The following ZNF287 variants were observed in gnomAD, a reference collection of about 807,000 sequenced individuals.
The protein encoded by ZNF287 is zinc finger protein 287, also known as zinc finger protein with KRAB and SCAN domains 13.
Under a neutral mutation model 73.7 loss-of-function variants are expected in ZNF287, and 31 were observed. The observed-to-expected ratio is 0.42, with a 90% CI of 0.32 to 0.57. ZNF287 has a LOEUF of 0.57. Among genes scored for constraint, ZNF287 ranks in the 20% least tolerant of loss-of-function variants. The probability of loss-of-function intolerance (pLI) is 0.13; values close to 1 mark genes in which losing one functional copy is unlikely to be tolerated. For missense variants in ZNF287, 641 were observed against 909.3 expected (o/e 0.70, Z 3.79); for synonymous variants, 301 against 307.2 (o/e 0.98, Z 0.21).
chr17:16,555,342 T>C (rs1289959281), intron 5 of ZNF287, among the ~76,000 whole-genome samples: 1 of 152,212 alleles, frequency 6.6e-6, no homozygotes, highest in Non-Finnish European at 1.5e-5. Flanking sequence ...ACCACTGTCA[T>C]ACATGCAGTT....
intron 5 of ZNF287, among the ~76,000 whole-genome samples, chr17:16,562,428 A>C (rs1339948374): frequency 6.6e-6 from 1 of 152,180 alleles, no homozygotes; most frequent in Non-Finnish European, 1.5e-5. Context: ...TAAACATCTC[A>C]AATAACTGTT....
chr17:16,567,456 C>G lies in ZNF287; in HGVS notation c.276G>C (p.Leu92=). 6.2e-7 allele frequency: 1 copy of G among 1,614,230 alleles called. No individual in the cohort carries two copies. Among genetic ancestry groups the G allele is most frequent in the Non-Finnish European group, 8.5e-7 (1 of 1,180,046 alleles). ...IHSKEQILEL[L]VLEQFLTILP... is the part of the protein sequence containing the mutation. ...GGATGGTCAGGAATTGCTCCAGCAC[C>G]AGCAGCTCCAAAATTTGTTCCTTTG... Residue 92 remains leucine (L), a synonymous_variant, in exon 2 of 6, where the codon CTG becomes CTC. Coordinates refer to ENST00000395825, the MANE Select transcript of ZNF287 (RefSeq NM_020653.4).
rs752901658 is a variant in ZNF287, at chr17:16,553,282, A to G, written c.860T>C (p.Ile287Thr). ...ACTGAAACCTCTTTCATCAGTGTGA[A>G]TTTTCCAGAAGCCACCTTTTCCTCG... Reference protein sequence around the residue: ...ERRGKGGFWKIHTDERGFSLK... With the variant: ...ERRGKGGFWKTHTDERGFSLK... Residue 287 changes from isoleucine (I) to threonine (T), a missense_variant, in exon 6 of 6, where the codon ATT becomes ACT. Around this residue, in one of 2 missense-constraint regions of ZNF287, gnomAD observed 357 missense variants for 442.4 expected, o/e 0.81. Coordinates refer to ENST00000395825, the MANE Select transcript of ZNF287 (RefSeq NM_020653.4). The G allele has an allele frequency of 3.1e-6, 5 of 1,613,858 alleles. No individual in the cohort carries two copies. Among genetic ancestry groups the G allele is most frequent in the East Asian group, 2.2e-5 (1 of 44,856 alleles).
In ZNF287 at chr17:16,549,932, A is replaced by C. The variant is rs1458321475; in HGVS notation, c.*1924T>G. Among the ~76,000 whole-genome samples, 1 of 152,214 alleles carries C rather than the reference A, an allele frequency of 6.6e-6. No homozygotes were observed. The highest frequency in any genetic ancestry group is 1.5e-5 in the Non-Finnish European group (1 of 68,038). On this transcript the variant is annotated 3_prime_UTR_variant, in exon 6 of 6. Transcript: ENST00000395825. Reference sequence around the variant, plus strand: ...TACCAATTTTCACTCCATGCCAGTCAATTCTACTTTATTACTGAAATCTAA... The same window carrying C: ...TACCAATTTTCACTCCATGCCAGTCCATTCTACTTTATTACTGAAATCTAA...
rs536585367 is a variant in ZNF287 at position 16,567,798 on chromosome 17, A to T, written c.-67T>A. The T allele has an allele frequency of 6.6e-5, 101 of 1,531,136 alleles. No homozygotes were observed. In the African/African-American group the frequency reaches 1.2e-3, roughly 18 times the overall value. The allele number at this position is 1,531,136 out of a possible 1,614,324, so 94.8% of individuals were successfully genotyped here. ...CTCCAGTAGTGAGCCAACTGCTTGAAGTCTCATGCTAGAGTCACAAGGACA... is the reference window on the plus strand; with the variant it reads ...CTCCAGTAGTGAGCCAACTGCTTGATGTCTCATGCTAGAGTCACAAGGACA... On this transcript the variant is annotated 5_prime_UTR_variant, in exon 2 of 6. Coordinates refer to ENST00000395825, the MANE Select transcript of ZNF287 (RefSeq NM_020653.4).
intron 5 of ZNF287, among the ~76,000 whole-genome samples, chr17:16,562,729 T>C (rs963571278): frequency 1.3e-5 from 2 of 152,104 alleles, no homozygotes; most frequent in African/African-American, 4.8e-5. Flanking sequence ...AAGGGATGAT[T>C]TAGAAAAGTG....
rs1597461732 is a variant in ZNF287, at chr17:16,551,180, G to C, written c.*676C>G. ...AGAAGGGGAAGTAAAACAGGGAAGG[G>C]AGTCCTTTACATATTTTAAGGCTTC... On this transcript the variant is annotated 3_prime_UTR_variant, in exon 6 of 6. Coordinates refer to ENST00000395825, the MANE Select transcript of ZNF287 (RefSeq NM_020653.4). 6.6e-6 allele frequency among the ~76,000 whole-genome samples: 1 copy of C among 152,174 alleles called. No individual in the cohort carries two copies. The highest frequency in any genetic ancestry group is 3.4e-3 in the Middle Eastern group (1 of 294).
chr17:16,560,961 C>T (rs1907415357), intron 5 of ZNF287, among the ~76,000 whole-genome samples: 1 of 151,066 alleles, frequency 6.6e-6, no homozygotes. Flanking sequence ...CAAGGTCCCC[C>T]CACTGCACTC....
rs1472256322 is a variant in ZNF287, at chr17:16,553,035, C to A, written c.1107G>T (p.Lys369Asn). The A allele has an allele frequency of 1.9e-6, 3 of 1,614,152 alleles. No individual in the cohort carries two copies. The highest frequency in any genetic ancestry group is 2.5e-6 in the Non-Finnish European group (3 of 1,180,012). The part of the protein sequence containing the change: ...RKILPGEKPY[K>N]CNVCGKKFRK... ...TAAATTTTTTCCCACACACATTACA[C>A]TTGTAAGGCTTCTCTCCAGGAAGTA... The change falls in exon 6 of 6, where the codon AAG (lysine) becomes AAT (asparagine). Residue 369 changes from lysine (K) to asparagine (N), a missense_variant. Physicochemically the swap from Lys to Asn is moderately conservative, Grantham distance 94 (BLOSUM62 0). Around this residue, in one of 2 missense-constraint regions of ZNF287, gnomAD observed 357 missense variants for 442.4 expected, o/e 0.81. Transcript: ENST00000395825.
rs933368539 is a variant in ZNF287 at position 16,548,580 on chromosome 17, G to A, written c.*3276C>T. On this transcript the variant is annotated 3_prime_UTR_variant, in exon 6 of 6. Coordinates refer to ENST00000395825, the MANE Select transcript of ZNF287 (RefSeq NM_020653.4). ...TGGGAGGCTGAGGCGGGTGGATCAC[G>A]AGGTCAGGATATCGAGACAAGCCTG... Among the ~76,000 whole-genome samples, 1 of 152,070 alleles carries A rather than the reference G, an allele frequency of 6.6e-6. No individual in the cohort carries two copies. The highest frequency in any genetic ancestry group is 1.5e-5 in the Non-Finnish European group (1 of 68,016).
At position 16,555,693 on chromosome 17, in the gene ZNF287, G is replaced by A. The variant is rs555370779; in HGVS notation, c.716-2267C>T. ...CTCAATCTAACCTGGCTGTAATAAG[G>A]CAGCCAAATATGTATTTGTTGGTGC... is the stretch of plus-strand genomic sequence containing the variant. On this transcript the variant is annotated intron_variant, in intron 5 of 5. Transcript: ENST00000395825. 2.7e-5 allele frequency among the ~76,000 whole-genome samples: 4 copies of A among 150,636 alleles called. No individual in the cohort carries two copies. In the South Asian group the frequency reaches 8.4e-4, roughly 32 times the overall value.
chr17:16,559,121 G>A (rs961715956), intron 5 of ZNF287: 2 of 151,908 alleles, frequency 1.3e-5, no homozygotes, highest in African/African-American at 4.8e-5. Flanking sequence ...GAGAAACATG[G>A]GAAGGATACA....
chr17:16,549,801 T>C lies in ZNF287; in HGVS notation c.*2055A>G, dbSNP rs1447133646. Among the ~76,000 whole-genome samples the C allele has an allele frequency of 6.6e-6, 1 of 152,194 alleles. No homozygotes were observed. The highest frequency in any genetic ancestry group is 1.5e-5 in the Non-Finnish European group (1 of 68,016). On this transcript the variant is annotated 3_prime_UTR_variant, in exon 6 of 6. Coordinates refer to ENST00000395825, the MANE Select transcript of ZNF287 (RefSeq NM_020653.4). ...TCATTTAGCTCAGGAAAACTTCCTG[T>C]ACAAAGATGTCCCAGGAAACCTGAT... is the stretch of plus-strand genomic sequence containing the variant.
chr17:16,547,521 C>A lies in ZNF287; in HGVS notation c.*4335G>T, dbSNP rs1400871605. Among the ~76,000 whole-genome samples, 3 of 152,272 alleles carry A rather than the reference C, an allele frequency of 2.0e-5. No homozygotes were observed. Among genetic ancestry groups the A allele is most frequent in the East Asian group, 1.9e-4 (1 of 5,180 alleles). On this transcript the variant is annotated 3_prime_UTR_variant, in exon 6 of 6. Transcript: ENST00000395825. ...TAGTTGTTTGCACCCGAAAGTTTAT[C>A]CCAGTTATGTAATTATATCCCTCAT... is the stretch of plus-strand genomic sequence containing the variant.
At chr17:16,560,503 C>T (rs909053160) in intron 5 of ZNF287, among the ~76,000 whole-genome samples, 1 of 151,296 alleles carries the variant, frequency 6.6e-6, no homozygotes, top group Non-Finnish European at 1.5e-5. Flanking sequence ...GCACCCACCA[C>T]CACGCCCAGC....
rs909703102 is a variant in ZNF287, at chr17:16,548,880, G to C, written c.*2976C>G. Among the ~76,000 whole-genome samples, 1 of 151,806 alleles carries C rather than the reference G, an allele frequency of 6.6e-6. No individual in the cohort carries two copies. The highest frequency in any genetic ancestry group is 2.4e-5 in the African/African-American group (1 of 41,362). Reference sequence around the variant, plus strand: ...AAATACTATGTGTGAAAACTGACTGGATCAACAGAGGAAATTTAAACACAG... The same window carrying C: ...AAATACTATGTGTGAAAACTGACTGCATCAACAGAGGAAATTTAAACACAG... On this transcript the variant is annotated 3_prime_UTR_variant, in exon 6 of 6. Transcript: ENST00000395825.
rs778664389 is a variant in ZNF287 at position 16,552,368 on chromosome 17, A to G, written c.1774T>C (p.Tyr592His). The G allele has an allele frequency of 1.2e-6, 2 of 1,614,036 alleles. No homozygotes were observed. The highest frequency in any genetic ancestry group is 4.5e-5 in the East Asian group (2 of 44,852). Residue 592 changes from tyrosine to histidine, a missense_variant, in exon 6 of 6, where the codon TAT (tyrosine) becomes CAT (histidine). Around this residue, in one of 2 missense-constraint regions of ZNF287, gnomAD observed 284 missense variants for 466.8 expected, o/e 0.61. Coordinates refer to ENST00000395825, the MANE Select transcript of ZNF287 (RefSeq NM_020653.4). This position sits in a 1 kb window ranked among gnomAD's most constrained non-coding sequence, Gnocchi z 6.5. ...GCTTTCCCACATATATTACATATAT[A>G]GGATTTCTCTCCAGTGTGAGTGGTT... ...HQTTHTGEKS[Y>H]ICNICGKAFS...
chr17:16,559,856 C>A (rs1312389661), intron 5 of ZNF287, among the ~76,000 whole-genome samples: 3 of 152,064 alleles, frequency 2.0e-5, no homozygotes, highest in African/African-American at 7.2e-5. Context: ...CTAGAGTGCC[C>A]AAATTTGGGA....
At chr17:16,567,122 AAGG>A (rs1336574371) in intron 2 of ZNF287, among the ~76,000 whole-genome samples, 1 of 152,178 alleles carries the variant, frequency 6.6e-6, no homozygotes, top group African/African-American at 2.4e-5. Context: ...AGCAATCTGG[AAGG>A]AGAACACCAT....
Sources: gnomAD v4.1 joint callset for allele counts (sites outside exome capture counted in the v4.1 genomes callset) on GRCh38, gnomAD v4.1.1 for gene constraint, gnomAD v4.1.1 regional missense constraint, Gnocchi (gnomAD v3.1) non-coding constraint, MANE v1.5 for transcripts, NCBI Gene and HGNC (gene_info 2026-07-23, HGNC 2026-07-21) for gene names.